Variants in MBD5 observed in about 807,000 individuals in gnomAD.
MBD5 encodes the protein methyl-CpG-binding domain protein 5.
Under a neutral mutation model 117.3 loss-of-function variants are expected in MBD5, and 13 were observed. The ratio of observed to expected loss-of-function variants is 0.11; its 90% CI spans 0.07 to 0.18. The LOEUF is 0.18. Ranked by LOEUF, MBD5 falls within the 10% of genes least tolerant of loss-of-function variation. The probability of loss-of-function intolerance (pLI) is 1.00; values close to 1 mark genes in which losing one functional copy is unlikely to be tolerated. For synonymous variants in MBD5, 727 were observed against 766.4 expected (o/e 0.95, Z 0.85); for missense variants, 1,879 against 2,093.8 (o/e 0.90, Z 2.00).
intron 1 of MBD5, among the ~76,000 whole-genome samples, chr2:148,097,265 G>T (rs1696093934): frequency 6.6e-6 from 1 of 152,146 alleles, no homozygotes; most frequent in African/African-American, 2.4e-5. Flanking sequence ...CAAAGTGGTG[G>T]CACTACTGCA....
intron 2 of MBD5, among the ~76,000 whole-genome samples, chr2:148,215,391 T>A (rs1490673179): frequency 6.6e-6 from 1 of 152,238 alleles, no homozygotes. Flanking sequence ...AATGTTTTAA[T>A]GCATAAAATA....
rs770196931 is a variant in MBD5 at position 148,490,556 on chromosome 2, G to A, written c.4924G>A (p.Val1642Ile). 5.6e-6 allele frequency: 9 copies of A among 1,614,044 alleles called. No homozygotes were observed. Among genetic ancestry groups the A allele is most frequent in the Middle Eastern group, 1.6e-4 (1 of 6,082 alleles). Residue 1642 changes from valine to isoleucine, a missense_variant, in exon 11 of 14, where the codon GTT becomes ATT. Coordinates refer to ENST00000642680, the MANE Select transcript of MBD5 (RefSeq NM_001378120.1). ...WPGKLVREDDVHNSCQQSPEE... is the reference protein window; with the variant it reads ...WPGKLVREDDIHNSCQQSPEE... ...TGGAAAATTAGTAAGAGAAGACGAC[G>A]TTCACAATTCATGTCAACAAAGCCC... is the stretch of plus-strand genomic sequence containing the variant.
intron 3 of MBD5, among the ~76,000 whole-genome samples, chr2:148,327,289 T>C (rs928239697): frequency 6.6e-6 from 1 of 152,126 alleles, no homozygotes; most frequent in African/African-American, 2.4e-5. Flanking sequence ...TCATTTCAAC[T>C]TTGATGAATC....
chr2:148,227,138 T>G (rs1258121588), intron 2 of MBD5, among the ~76,000 whole-genome samples: 3 of 152,228 alleles, frequency 2.0e-5, no homozygotes, highest in East Asian at 1.9e-4. Context: ...TTTGTCAATT[T>G]TGGCTTTTGT....
At chr2:148,228,759 A>G (rs1327513323) in intron 2 of MBD5, among the ~76,000 whole-genome samples, 1 of 152,048 alleles carries the variant, frequency 6.6e-6, no homozygotes, top group Non-Finnish European at 1.5e-5. Context: ...TTAATTGGTA[A>G]GCTATTAATT....
intron 1 of MBD5, among the ~76,000 whole-genome samples, chr2:148,120,644 T>C (rs1696749300): frequency 6.6e-6 from 1 of 152,244 alleles, no homozygotes; most frequent in Admixed American, 6.5e-5. Context: ...TCCTGCTACC[T>C]TACTGAACTC....
intron 1 of MBD5, among the ~76,000 whole-genome samples, chr2:148,166,062 TA>T (rs1044318044): frequency 5.9e-5 from 9 of 152,192 alleles, no homozygotes; most frequent in Non-Finnish European, 7.4e-5. Context: ...TTATTTTTTG[TA>T]CATCTTAAAA....
intron 4 of MBD5, among the ~76,000 whole-genome samples, chr2:148,428,418 G>T (rs1180895748): frequency 1.3e-5 from 2 of 152,034 alleles, no homozygotes; most frequent in South Asian, 2.1e-4. Context: ...TGGCCATACT[G>T]CCCAAAGTAA....
chr2:148,116,850 C>T (rs1229236653), intron 1 of MBD5, among the ~76,000 whole-genome samples: 1 of 152,106 alleles, frequency 6.6e-6, no homozygotes, highest in Non-Finnish European at 1.5e-5. Flanking sequence ...TGCTTTCTTG[C>T]CCTTCTGCAG....
intron 4 of MBD5, among the ~76,000 whole-genome samples, chr2:148,358,134 G>A (rs1703433724): frequency 1.3e-5 from 2 of 152,090 alleles, no homozygotes; most frequent in East Asian, 1.9e-4. Flanking sequence ...TCATTTTACT[G>A]GGTCTTAAAA....
At chr2:148,457,810 T>C (rs1037129923) in intron 4 of MBD5, among the ~76,000 whole-genome samples, 2 of 152,174 alleles carry the variant, frequency 1.3e-5, no homozygotes, top group African/African-American at 4.8e-5. Flanking sequence ...GGTTATATAA[T>C]ATTAAGGACT....
At chr2:148,052,396 G>C (rs1309189639) in intron 1 of MBD5, among the ~76,000 whole-genome samples, 2 of 151,826 alleles carry the variant, frequency 1.3e-5, no homozygotes, top group African/African-American at 4.8e-5. Context: ...TTTCAGTAGA[G>C]ATGGGGTTTC....
At chr2:148,220,390 C>G (rs75332411) in intron 2 of MBD5, among the ~76,000 whole-genome samples, 3,224 of 152,068 alleles carry the variant, frequency 0.021, 115 homozygotes, top group African/African-American at 0.071. Flanking sequence ...GACTACAGAG[C>G]AAAAACAAAA....
At chr2:148,135,862 T>C (rs1022937768) in intron 1 of MBD5, among the ~76,000 whole-genome samples, 5 of 152,170 alleles carry the variant, frequency 3.3e-5, no homozygotes, top group African/African-American at 1.2e-4. Context: ...GGACCACATA[T>C]GTGGGCAGGC....
intron 3 of MBD5, among the ~76,000 whole-genome samples, chr2:148,239,871 G>C (rs1052051207): frequency 6.6e-6 from 1 of 151,960 alleles, no homozygotes. Context: ...CTAATTTTTC[G>C]ATTTTTTGTA....
chr2:148,483,525 G>T lies in MBD5; in HGVS notation c.2934G>T (p.Gly978=). ...ALAFLSSDMD[G]QVLQPVHFQL... ...CTTTTCTCTCCAGTGACATGGATGG[G>T]CAGGTATTGCAGCCTGTTCACTTTC... Residue 978 remains glycine, a synonymous_variant, in exon 9 of 14, where the codon GGG becomes GGT. Transcript: ENST00000642680. The T allele has an allele frequency of 6.2e-7, 1 of 1,604,786 alleles. No individual in the cohort carries two copies. The highest frequency in any genetic ancestry group is 1.3e-5 in the African/African-American group (1 of 74,868).
At chr2:148,327,914 GC>G (rs1189592560) in intron 3 of MBD5, among the ~76,000 whole-genome samples, 1 of 152,088 alleles carries the variant, frequency 6.6e-6, no homozygotes, top group Non-Finnish European at 1.5e-5. Context: ...GAGGAGAGGC[GC>G]TCTGCTTTTT....
chr2:148,489,050 C>A (rs1428043554), intron 10 of MBD5, among the ~76,000 whole-genome samples: 3 of 152,108 alleles, frequency 2.0e-5, no homozygotes, highest in East Asian at 3.8e-4. Flanking sequence ...ATTGCAAAGA[C>A]CTGTAATGAC....
chr2:148,460,461 C>T (rs761023551), intron 5 of MBD5, among the ~76,000 whole-genome samples: 10 of 152,124 alleles, frequency 6.6e-5, no homozygotes, highest in Non-Finnish European at 1.0e-4. Context: ...AATTAACCAG[C>T]ATAGATTTAA....
Sources: gnomAD v4.1 joint callset for allele counts (sites outside exome capture counted in the v4.1 genomes callset) on GRCh38, gnomAD v4.1.1 for gene constraint, MANE v1.5 for transcripts, NCBI Gene and HGNC (gene_info 2026-07-23, HGNC 2026-07-21) for gene names.